Variants in B3GALT1 observed in about 807,000 individuals in gnomAD.
B3GALT1 encodes the protein beta-1,3-galactosyltransferase 1, also known as UDP-Gal:betaGlcNAc beta 1,3-galactosyltransferase, polypeptide 1.
Under a neutral mutation model 23.2 loss-of-function variants are expected in B3GALT1, and 10 were observed. The observed-to-expected ratio is 0.43, with a 90% CI of 0.27 to 0.73. B3GALT1 has a LOEUF of 0.73. Ranked by LOEUF, B3GALT1 falls within the 30% of genes least tolerant of loss-of-function variation. B3GALT1 has a pLI of 0.21. For synonymous variants in B3GALT1, 156 were observed against 141.5 expected, an observed-to-expected ratio of 1.10 and a Z score of -0.73; for missense variants, 299 against 405.4, an observed-to-expected ratio of 0.74 and a Z score of 2.25.
At chr2:167,785,304 A>T (rs1301472473) in intron 3 of B3GALT1, among the ~76,000 whole-genome samples, 1 of 152,196 alleles carries the variant, frequency 6.6e-6, no homozygotes, top group Non-Finnish European at 1.5e-5. Context: ...CAGATCAGGG[A>T]GGGAACAGCC....
chr2:167,536,713 T>C (rs1683434242), intron 2 of B3GALT1, among the ~76,000 whole-genome samples: 1 of 152,066 alleles, frequency 6.6e-6, no homozygotes, highest in Admixed American at 6.5e-5. Flanking sequence ...TATGTCCCCC[T>C]AAAGACTCCA....
Position 167,433,347 on chromosome 2 carries a change from C to T in B3GALT1, c.-510-56830C>T, listed in dbSNP as rs374256927. 6.5e-4 allele frequency among the ~76,000 whole-genome samples: 99 copies of T among 152,306 alleles called. 3 individuals are homozygous for T. In the South Asian group the frequency reaches 0.016, roughly 25 times the overall value. ...ATTTATCTGTTAACTTACTGAAGAA[C>T]ATCTTAGTTGCTTCCACATTTTGGC... On this transcript the variant is annotated intron_variant, in intron 1 of 4. Transcript: ENST00000392690.
At chr2:167,642,314 A>G (rs1685666802) in intron 2 of B3GALT1, among the ~76,000 whole-genome samples, 1 of 152,220 alleles carries the variant, frequency 6.6e-6, no homozygotes, top group Non-Finnish European at 1.5e-5. Context: ...CTAAAGCTAT[A>G]TCTTAGTTTG....
At chr2:167,568,349 C>G (rs1684216282) in intron 2 of B3GALT1, among the ~76,000 whole-genome samples, 1 of 152,168 alleles carries the variant, frequency 6.6e-6, no homozygotes, top group Admixed American at 6.6e-5. Context: ...ATTCTGCATT[C>G]CCAGTAGCAA....
intron 3 of B3GALT1, among the ~76,000 whole-genome samples, chr2:167,801,539 T>G (rs1157021592): frequency 2.0e-5 from 3 of 152,202 alleles, no homozygotes; most frequent in African/African-American, 7.2e-5. Flanking sequence ...GGCCCTGATG[T>G]TTGCACTACA....
intron 1 of B3GALT1, among the ~76,000 whole-genome samples, chr2:167,322,444 A>G (rs548662870): frequency 6.6e-6 from 1 of 152,094 alleles, no homozygotes; most frequent in African/African-American, 2.4e-5. Context: ...ATTCAACATT[A>G]AATTTAGAAA....
chr2:167,409,936 C>T (rs1323836106), intron 1 of B3GALT1, among the ~76,000 whole-genome samples: 1 of 151,942 alleles, frequency 6.6e-6, no homozygotes, highest in Non-Finnish European at 1.5e-5. Context: ...GGTATATACC[C>T]AAAGGATGAT....
At chr2:167,728,295 G>T (rs899269716) in intron 3 of B3GALT1, among the ~76,000 whole-genome samples, 17 of 152,194 alleles carry the variant, frequency 1.1e-4, no homozygotes, top group African/African-American at 4.1e-4. Flanking sequence ...GCTGAGGCAG[G>T]AGAATCATTT....
intron 1 of B3GALT1, among the ~76,000 whole-genome samples, chr2:167,357,426 C>G (rs1376926512): frequency 6.6e-6 from 1 of 151,704 alleles, no homozygotes; most frequent in African/African-American, 2.4e-5. Context: ...TTATTACTAC[C>G]AAAAATGCCG....
intron 1 of B3GALT1, among the ~76,000 whole-genome samples, chr2:167,449,328 G>A (rs559766220): frequency 5.3e-5 from 8 of 151,940 alleles, no homozygotes; most frequent in Non-Finnish European, 8.8e-5. Flanking sequence ...TATACTCCTA[G>A]GTTTTTTTGT....
intron 1 of B3GALT1, among the ~76,000 whole-genome samples, chr2:167,489,359 G>A (rs963356886): frequency 6.6e-5 from 10 of 152,174 alleles, no homozygotes; most frequent in African/African-American, 2.4e-4. Flanking sequence ...CTTTAAAATA[G>A]ATTTTTCAGT....
At chr2:167,395,322 T>C (rs1233875030) in intron 1 of B3GALT1, among the ~76,000 whole-genome samples, 1 of 152,112 alleles carries the variant, frequency 6.6e-6, no homozygotes, top group Non-Finnish European at 1.5e-5. Flanking sequence ...CTGGATTGTC[T>C]GGGTGGGCCT....
chr2:167,367,261 T>C (rs2105266867), intron 1 of B3GALT1, among the ~76,000 whole-genome samples: 1 of 152,344 alleles, frequency 6.6e-6, no homozygotes, highest in East Asian at 1.9e-4. Flanking sequence ...TAAACTAATT[T>C]CAAGAGCATT....
chr2:167,657,151 G>T (rs1303605639), intron 3 of B3GALT1, among the ~76,000 whole-genome samples: 1 of 152,158 alleles, frequency 6.6e-6, no homozygotes, highest in Non-Finnish European at 1.5e-5. Flanking sequence ...TCCAGTTTGA[G>T]AGCGGTTCCT....
chr2:167,389,412 G>A (rs1050300250), intron 1 of B3GALT1, among the ~76,000 whole-genome samples: 1 of 152,176 alleles, frequency 6.6e-6, no homozygotes, highest in African/African-American at 2.4e-5. Flanking sequence ...TCATTTCAAT[G>A]TGGGTATGAG....
intron 2 of B3GALT1, among the ~76,000 whole-genome samples, chr2:167,549,887 C>T (rs539103145): frequency 5.9e-5 from 9 of 152,238 alleles, no homozygotes; most frequent in South Asian, 2.1e-4. Context: ...AAAAATACTT[C>T]GGAAATATTC....
At chr2:167,784,807 T>G (rs982543384) in intron 3 of B3GALT1, among the ~76,000 whole-genome samples, 4 of 152,184 alleles carry the variant, frequency 2.6e-5, no homozygotes, top group Non-Finnish European at 5.9e-5. Flanking sequence ...GACATGAATA[T>G]CATAGCTTAA....
At chr2:167,579,953 G>A (rs1684455726) in intron 2 of B3GALT1, among the ~76,000 whole-genome samples, 1 of 152,108 alleles carries the variant, frequency 6.6e-6, no homozygotes, top group Non-Finnish European at 1.5e-5. Flanking sequence ...ATAGATGGTA[G>A]AGTTCAATTT....
chr2:167,750,869 C>T (rs1399974062), intron 3 of B3GALT1, among the ~76,000 whole-genome samples: 1 of 152,008 alleles, frequency 6.6e-6, no homozygotes, highest in Non-Finnish European at 1.5e-5. Context: ...TCCCAGAATC[C>T]TATGCCACGG....
Sources: gnomAD v4.1 joint callset for allele counts (sites outside exome capture counted in the v4.1 genomes callset) on GRCh38, gnomAD v4.1.1 for gene constraint, MANE v1.5 for transcripts, NCBI Gene and HGNC (gene_info 2026-07-23, HGNC 2026-07-21) for gene names.